PLXDC2: variants seen among roughly 807,000 people sequenced by gnomAD.
The protein encoded by PLXDC2 is plexin domain containing 2, also known as plexin domain-containing protein 2.
A neutral mutation model predicts 68.9 loss-of-function variants in PLXDC2; 40 were observed. The ratio of observed to expected loss-of-function variants is 0.58; its 90% confidence interval spans 0.45 to 0.76. The LOEUF is 0.76. Among genes scored for constraint, PLXDC2 ranks in the 30% least tolerant of loss-of-function variants. The pLI is 0.00. For missense variants in PLXDC2, 644 were observed against 661.9 expected (o/e 0.97, Z 0.30); for synonymous variants, 243 against 234.2 (o/e 1.04, Z -0.34).
chr10:19,833,639 A>C (rs185437084), intron 1 of PLXDC2, among the ~76,000 whole-genome samples: 20 of 152,354 alleles, frequency 1.3e-4, no homozygotes, highest in African/African-American at 4.3e-4. Flanking sequence ...TTGAAGCAAG[A>C]AAATACTTTG....
At chr10:19,927,008 A>G (rs562915929) in intron 1 of PLXDC2, among the ~76,000 whole-genome samples, 1 of 152,272 alleles carries the variant, frequency 6.6e-6, no homozygotes, top group African/African-American at 2.4e-5. Context: ...CAGAGTCATC[A>G]GCCTCCCTTC....
chr10:19,887,946 T>A (rs1837879935), intron 1 of PLXDC2, among the ~76,000 whole-genome samples: 1 of 152,214 alleles, frequency 6.6e-6, no homozygotes, highest in South Asian at 2.1e-4. Context: ...AAACACAACT[T>A]TGAATTACTT....
At chr10:20,130,847 G>T (rs939915171) in intron 4 of PLXDC2, among the ~76,000 whole-genome samples, 2 of 152,128 alleles carry the variant, frequency 1.3e-5, no homozygotes, top group African/African-American at 4.8e-5. Flanking sequence ...CATGGGTAGT[G>T]ATCCTTTTAA....
chr10:19,852,425 C>CAAAAAAAAAAAAAAAAAAAAAA (rs61430454), intron 1 of PLXDC2, among the ~76,000 whole-genome samples: 4 of 61,938 alleles, frequency 6.5e-5, no homozygotes, highest in Non-Finnish European at 8.7e-5. Context: ...GACCCTGTCT[C>CAAAAAAAAAAAAAAAAAAAAAA]AAAAAAAAAA....
At chr10:19,975,794 A>G (rs2131615668) in intron 1 of PLXDC2, among the ~76,000 whole-genome samples, 1 of 152,268 alleles carries the variant, frequency 6.6e-6, no homozygotes. Context: ...ACTTGAGGTC[A>G]GGAGTTTGAG....
intron 2 of PLXDC2, among the ~76,000 whole-genome samples, chr10:20,026,023 C>G (rs1027899641): frequency 6.6e-6 from 1 of 152,078 alleles, no homozygotes; most frequent in Non-Finnish European, 1.5e-5. Flanking sequence ...TTTACTTTTA[C>G]AAGCATTGAA....
At chr10:19,837,920 C>G (rs1412697636) in intron 1 of PLXDC2, among the ~76,000 whole-genome samples, 5 of 152,096 alleles carry the variant, frequency 3.3e-5, no homozygotes, top group Admixed American at 3.3e-4. Context: ...TAACGTAAAA[C>G]CATTTCCTCT....
At chr10:20,258,070 T>C (rs1298871245) in intron 13 of PLXDC2, among the ~76,000 whole-genome samples, 1 of 148,088 alleles carries the variant, frequency 6.8e-6, no homozygotes, top group African/African-American at 2.5e-5. Context: ...GGCGCTATCT[T>C]GGCTCACTGC....
intron 1 of PLXDC2, among the ~76,000 whole-genome samples, chr10:19,825,428 C>G (rs895115783): frequency 5.3e-5 from 8 of 152,108 alleles, no homozygotes; most frequent in Admixed American, 3.3e-4. Context: ...CTGATATATT[C>G]TCTTTGAGTA....
chr10:20,096,761 T>G (rs898831501), intron 4 of PLXDC2, among the ~76,000 whole-genome samples: 2 of 152,168 alleles, frequency 1.3e-5, no homozygotes, highest in Non-Finnish European at 2.9e-5. Context: ...ATATTTTGTT[T>G]TAATCTTGAA....
At chr10:20,050,563 C>G (rs1308726321) in intron 3 of PLXDC2, among the ~76,000 whole-genome samples, 1 of 151,802 alleles carries the variant, frequency 6.6e-6, no homozygotes, top group Non-Finnish European at 1.5e-5. Context: ...AGACACTTTT[C>G]AAAAGAAGAC....
At chr10:20,012,904 G>C (rs1352987803) in intron 2 of PLXDC2, among the ~76,000 whole-genome samples, 3 of 152,140 alleles carry the variant, frequency 2.0e-5, no homozygotes, top group Non-Finnish European at 4.4e-5. Flanking sequence ...GGCAGCCCTT[G>C]GGAACGGTTG....
At chr10:20,005,971 C>T (rs1337500422) in intron 2 of PLXDC2, among the ~76,000 whole-genome samples, 2 of 152,122 alleles carry the variant, frequency 1.3e-5, no homozygotes, top group South Asian at 2.1e-4. Context: ...GCGCAGATCA[C>T]CTGAAGTCAG....
intron 1 of PLXDC2, among the ~76,000 whole-genome samples, chr10:19,839,115 A>C (rs1836855770): frequency 6.6e-6 from 1 of 151,472 alleles, no homozygotes; most frequent in Non-Finnish European, 1.5e-5. Flanking sequence ...GAACTTGGGA[A>C]GCAGGGGCTG....
intron 1 of PLXDC2, among the ~76,000 whole-genome samples, chr10:19,870,871 T>C (rs1837521322): frequency 6.6e-6 from 1 of 152,242 alleles, no homozygotes; most frequent in African/African-American, 2.4e-5. Flanking sequence ...TTCTGTGTTA[T>C]GTGCTTACAT....
chr10:20,064,463 G>A (rs1279885528), intron 3 of PLXDC2, among the ~76,000 whole-genome samples: 3 of 151,928 alleles, frequency 2.0e-5, no homozygotes, highest in African/African-American at 4.8e-5. Flanking sequence ...CTTGCGATCC[G>A]CCTACCTTGG....
chr10:20,132,909 C>A (rs1833886778), intron 4 of PLXDC2, among the ~76,000 whole-genome samples: 2 of 151,834 alleles, frequency 1.3e-5, no homozygotes, highest in Non-Finnish European at 2.9e-5. Context: ...TTCTTCTTTT[C>A]TTCCTCTCTT....
chr10:20,216,116 A>C (rs571332984), intron 10 of PLXDC2, among the ~76,000 whole-genome samples: 14 of 152,124 alleles, frequency 9.2e-5, no homozygotes, highest in African/African-American at 2.9e-4. Flanking sequence ...CTAAAAAAAA[A>C]AAAAAATAAA....
intron 4 of PLXDC2, among the ~76,000 whole-genome samples, chr10:20,140,387 C>CATATATATATATAT (rs10675416): frequency 9.5e-5 from 14 of 147,012 alleles, no homozygotes; most frequent in South Asian, 2.1e-4. Flanking sequence ...AGAAAAATAA[C>CATATATATATATAT]ATATATATAT....
Sources: gnomAD v4.1 joint callset for allele counts (sites outside exome capture counted in the v4.1 genomes callset) on GRCh38, gnomAD v4.1.1 for gene constraint, MANE v1.5 for transcripts, NCBI Gene and HGNC (gene_info 2026-07-23, HGNC 2026-07-21) for gene names.